Variants in TMEM156 observed in about 807,000 individuals in gnomAD.
The protein encoded by TMEM156 is transmembrane protein 156.
A neutral mutation model predicts 30.5 loss-of-function variants in TMEM156; 28 were observed. That is an observed-to-expected ratio of 0.92 (90% confidence interval 0.68 to 1.26). The LOEUF is 1.26. Ranked by LOEUF, TMEM156 falls within the 50% of genes most tolerant of loss-of-function variation. TMEM156 has a pLI of 0.00. For missense variants in TMEM156, 351 were observed against 340.6 expected, an observed-to-expected ratio of 1.03 and a Z score of -0.24; for synonymous variants, 137 against 119.9, an observed-to-expected ratio of 1.14 and a Z score of -0.93.
At chr4:38,999,120 T>TA (rs11402894) in intron 1 of TMEM156, among the ~76,000 whole-genome samples, 15,753 of 134,768 alleles carry the variant, frequency 0.12, 990 homozygotes, top group East Asian at 0.21. Flanking sequence ...ATTTTTTTTT[T>TA]TTTTTTTTTT....
chr4:38,982,849 A>G (rs1711684253), intron 5 of TMEM156, among the ~76,000 whole-genome samples: 1 of 152,212 alleles, frequency 6.6e-6, no homozygotes, highest in Non-Finnish European at 1.5e-5. Context: ...GCAGGAGTGG[A>G]TGGAAACTCT....
rs563884524 is a variant in TMEM156 at position 38,985,356 on chromosome 4, G to A, written c.823+980C>T. Among the ~76,000 whole-genome samples, 4 of 152,232 alleles carry A rather than the reference G, an allele frequency of 2.6e-5. No individual in the cohort carries two copies. In the South Asian group the frequency reaches 8.3e-4, roughly 32 times the overall value. On this transcript the variant is annotated intron_variant, in intron 5 of 6. Coordinates refer to ENST00000381938, the MANE Select transcript of TMEM156 (RefSeq NM_024943.3). ...ATAGCTTAATACTTTCACTGCTAAT[G>A]CTGGGTAGAAAGCCTAAATTTTTAA...
At chr4:38,980,343 A>G (rs1723117889) in intron 5 of TMEM156, among the ~76,000 whole-genome samples, 1 of 152,260 alleles carries the variant, frequency 6.6e-6, no homozygotes. Flanking sequence ...TTGGATAGGC[A>G]TAATCAAAAG....
At chr4:38,987,548 A>G (rs545241552) in intron 4 of TMEM156, among the ~76,000 whole-genome samples, 3 of 152,236 alleles carry the variant, frequency 2.0e-5, no homozygotes, top group Non-Finnish European at 4.4e-5. Flanking sequence ...ACCTGGAGGC[A>G]ACCACTTGTT....
intron 5 of TMEM156, among the ~76,000 whole-genome samples, chr4:38,977,905 C>G (rs904433073): frequency 6.6e-6 from 1 of 152,186 alleles, no homozygotes; most frequent in African/African-American, 2.4e-5. Flanking sequence ...CCCAGGCAGC[C>G]CTCGGATGCT....
In TMEM156 at chr4:39,032,342, C is replaced by A; in HGVS notation, c.-29G>T. The A allele has an allele frequency of 7.1e-7, 1 of 1,399,198 alleles. No individual in the cohort carries two copies. The highest frequency in any genetic ancestry group is 1.2e-5 in the South Asian group (1 of 84,322). 86.7% of individuals were successfully genotyped at this position (1,399,198 alleles called of 1,614,324 possible). The stretch of plus-strand genomic sequence containing the variant: ...TCTTCACATGACACAAATGTGTTCC[C>A]TTGCAGTACATTCATGGTATGTTGC... On this transcript the variant is annotated 5_prime_UTR_variant, in exon 1 of 7. The change creates a new upstream start codon in the 5' untranslated region. Coordinates refer to ENST00000381938, the MANE Select transcript of TMEM156 (RefSeq NM_024943.3).
At chr4:39,019,149 G>T (rs1379093108) in intron 1 of TMEM156, among the ~76,000 whole-genome samples, 3 of 151,114 alleles carry the variant, frequency 2.0e-5, no homozygotes, top group African/African-American at 7.3e-5. Context: ...CAATGATTCT[G>T]TAAATTTCTT....
At chr4:38,968,511 C>T (rs559607924) in intron 6 of TMEM156, among the ~76,000 whole-genome samples, 4 of 152,232 alleles carry the variant, frequency 2.6e-5, no homozygotes, top group South Asian at 2.1e-4. Context: ...GTAGGATTCT[C>T]AACATACAGT....
At chr4:39,021,632 T>C (rs974735309) in intron 1 of TMEM156, among the ~76,000 whole-genome samples, 1 of 152,210 alleles carries the variant, frequency 6.6e-6, no homozygotes, top group African/African-American at 2.4e-5. Context: ...ATGCAGAAGA[T>C]TTTTAGTTTG....
At chr4:38,985,257 G>A in intron 5 of TMEM156, among the ~76,000 whole-genome samples, 1 of 152,134 alleles carries the variant, frequency 6.6e-6, no homozygotes, top group African/African-American at 2.4e-5. Context: ...TCATTGACTG[G>A]ACAAAATTTC....
intron 5 of TMEM156, among the ~76,000 whole-genome samples, chr4:38,976,952 C>A (rs1382377501): frequency 6.6e-6 from 1 of 152,170 alleles, no homozygotes; most frequent in African/African-American, 2.4e-5. Context: ...GTTGCCCAGG[C>A]TGGAGTGCAG....
At chr4:38,975,433 A>G (rs1216849964) in intron 5 of TMEM156, among the ~76,000 whole-genome samples, 1 of 137,376 alleles carries the variant, frequency 7.3e-6, no homozygotes, top group African/African-American at 2.8e-5. Flanking sequence ...CCCAAGCTGG[A>G]GTGCAGTGGT....
chr4:39,000,565 G>A (rs11727608), intron 1 of TMEM156, among the ~76,000 whole-genome samples: 31,521 of 152,030 alleles, frequency 0.21, 3,347 homozygotes, highest in East Asian at 0.22. Context: ...AAACACTTTT[G>A]AAATTTGTAC....
At chr4:38,995,229 C>A (rs1237367738) in intron 2 of TMEM156, among the ~76,000 whole-genome samples, 1 of 152,202 alleles carries the variant, frequency 6.6e-6, no homozygotes, top group Non-Finnish European at 1.5e-5. Context: ...CTCATCTTAA[C>A]TACATCTACA....
At chr4:38,968,215 A>G (rs923114843) in intron 6 of TMEM156, among the ~76,000 whole-genome samples, 2 of 152,232 alleles carry the variant, frequency 1.3e-5, no homozygotes, top group Non-Finnish European at 2.9e-5. Context: ...TTCTATATCT[A>G]TCAAATGAAA....
intron 5 of TMEM156, among the ~76,000 whole-genome samples, chr4:38,981,893 G>T (rs1368191628): frequency 6.6e-6 from 1 of 152,160 alleles, no homozygotes; most frequent in Non-Finnish European, 1.5e-5. Flanking sequence ...TAGTATAATG[G>T]CTGACCCGTA....
chr4:38,998,101 ATAT>A (rs1713053607), intron 2 of TMEM156, among the ~76,000 whole-genome samples: 1 of 152,218 alleles, frequency 6.6e-6, no homozygotes, highest in African/African-American at 2.4e-5. Context: ...CATCATGTGT[ATAT>A]GAATTACAGT....
intron 1 of TMEM156, among the ~76,000 whole-genome samples, chr4:39,010,289 G>A (rs77463179): frequency 0.068 from 10,347 of 152,212 alleles, 409 homozygotes; most frequent in Middle Eastern, 0.099. Context: ...TCATGGATCA[G>A]AATAATCAAT....
At chr4:38,982,341 T>C (rs1711632203) in intron 5 of TMEM156, among the ~76,000 whole-genome samples, 1 of 152,202 alleles carries the variant, frequency 6.6e-6, no homozygotes, top group Non-Finnish European at 1.5e-5. Flanking sequence ...CTTCCCTTTA[T>C]AAAGACTCAG....
Sources: gnomAD v4.1 joint callset for allele counts (sites outside exome capture counted in the v4.1 genomes callset) on GRCh38, gnomAD v4.1.1 for gene constraint, MANE v1.5 for transcripts, NCBI Gene and HGNC (gene_info 2026-07-23, HGNC 2026-07-21) for gene names.